Variants in CACNA1A observed in about 807,000 individuals in gnomAD.
The protein encoded by CACNA1A is voltage-dependent P/Q-type calcium channel subunit alpha-1A.
CACNA1A carries 57 observed loss-of-function variants against 262.4 expected under a neutral mutation model. The observed-to-expected ratio is 0.22, with a 90% CI of 0.18 to 0.27. The LOEUF is 0.27. CACNA1A is among the 10% of genes least tolerant of loss of function. CACNA1A has a pLI of 1.00. For missense variants in CACNA1A, 2,526 were observed against 3,562.8 expected, an observed-to-expected ratio of 0.71 and a Z score of 7.41; for synonymous variants, 1,431 against 1,419.3, an observed-to-expected ratio of 1.01 and a Z score of -0.18.
rs750093351 is a variant in CACNA1A, at chr19:13,214,458, C to G, written c.5839+43G>C. 3.2e-6 allele frequency: 5 copies of G among 1,571,808 alleles called. No individual in the cohort carries two copies. The East Asian group carries it at 1.1e-4, about 35-fold the overall frequency. On this transcript the variant is annotated intron_variant, in intron 39 of 46. Transcript: ENST00000360228. The surrounding 1 kb of genome is among the most constrained non-coding windows in gnomAD (Gnocchi z 4.1). Reference sequence around the variant, plus strand: ...GCCTCCCCTTTCCCTCCCCCTCCATCTGTCCTGGTGGATTGGATCCCAGGG... The same window carrying G: ...GCCTCCCCTTTCCCTCCCCCTCCATGTGTCCTGGTGGATTGGATCCCAGGG...
intron 38 of CACNA1A, among the ~76,000 whole-genome samples, chr19:13,218,053 G>A (rs1261828611): frequency 6.6e-6 from 1 of 151,144 alleles, no homozygotes; most frequent in Non-Finnish European, 1.5e-5. Context: ...TGGGATTATA[G>A]GCATGAGTCA....
At chr19:13,417,464 G>T (rs2082456570) in intron 3 of CACNA1A, among the ~76,000 whole-genome samples, 1 of 152,176 alleles carries the variant, frequency 6.6e-6, no homozygotes, top group Non-Finnish European at 1.5e-5. Context: ...CCATTCTGTA[G>T]GTAGTGAGGC....
At chr19:13,285,913 C>CTAGATGAACTTAAGACAT (rs1283485212) in intron 20 of CACNA1A, among the ~76,000 whole-genome samples, 60 of 151,006 alleles carry the variant, frequency 4.0e-4, no homozygotes, top group South Asian at 2.1e-4. Flanking sequence ...AGAACTGACA[C>CTAGATGAACTTAAGACAT]TAGATGAACT....
chr19:13,206,568 T>C lies in CACNA1A; in HGVS notation c.*745A>G, dbSNP rs1000550153. The C allele has an allele frequency of 6.5e-6, 1 of 153,914 alleles. No homozygotes were observed. The highest frequency in any genetic ancestry group is 2.4e-5 in the African/African-American group (1 of 41,474). 9.5% of individuals were successfully genotyped at this position (153,914 alleles called of 1,614,324 possible). On this transcript the variant is annotated 3_prime_UTR_variant, in exon 47 of 47. Transcript: ENST00000360228. ...AAAGAAGCAAAGGAATCGGTGGTGA[T>C]GGTGGGTTTTTCTTCTTCTTTTGTT...
At chr19:13,224,812 T>A (rs1353516468) in intron 37 of CACNA1A, 40 bp from the exon 38 acceptor site, 9 of 1,471,044 alleles carry the variant, frequency 6.1e-6, no homozygotes, top group Non-Finnish European at 8.4e-6. Context: ...TTCCCAGGCA[T>A]CCCTCCTGGG....
intron 36 of CACNA1A, among the ~76,000 whole-genome samples, chr19:13,228,274 T>C (rs538227751): frequency 4.0e-4 from 59 of 147,784 alleles, no homozygotes; most frequent in African/African-American, 1.4e-3. Context: ...TGAGGGGGCC[T>C]AGGTGGGGAG....
At chr19:13,388,242 CTTCTTTTTTT>C (rs1568597661) in intron 3 of CACNA1A, among the ~76,000 whole-genome samples, 1 of 128,382 alleles carries the variant, frequency 7.8e-6, no homozygotes, top group Non-Finnish European at 1.6e-5. Context: ...ATTTCTTCCT[CTTCTTTTTTT>C]TTTTTTTTTT....
At chr19:13,252,010 C>A (rs1044978984) in intron 30 of CACNA1A, among the ~76,000 whole-genome samples, 1 of 151,978 alleles carries the variant, frequency 6.6e-6, no homozygotes, top group Admixed American at 6.6e-5. Context: ...AAGTGATTTG[C>A]CTGCCTCTGC....
At chr19:13,440,356 T>C (rs1341901156) in intron 3 of CACNA1A, among the ~76,000 whole-genome samples, 1 of 152,150 alleles carries the variant, frequency 6.6e-6, no homozygotes, top group Non-Finnish European at 1.5e-5. Context: ...TGGGATCCCA[T>C]AGACCAGCAG....
chr19:13,214,452 C>T lies in CACNA1A; in HGVS notation c.5839+49G>A. Reference sequence around the variant, plus strand: ...CCCCAGGCCTCCCCTTTCCCTCCCCCTCCATCTGTCCTGGTGGATTGGATC... The same window carrying T: ...CCCCAGGCCTCCCCTTTCCCTCCCCTTCCATCTGTCCTGGTGGATTGGATC... On this transcript the variant is annotated intron_variant, in intron 39 of 46. Coordinates refer to ENST00000360228, the MANE Select transcript of CACNA1A (RefSeq NM_001127222.2). This position sits in a 1 kb window ranked among gnomAD's most constrained non-coding sequence, Gnocchi z 4.1. 3 of 1,561,548 alleles carry T rather than the reference C, an allele frequency of 1.9e-6. No individual in the cohort carries two copies. The highest frequency in any genetic ancestry group is 2.6e-6 in the Non-Finnish European group (3 of 1,135,780).
In CACNA1A at chr19:13,334,409, G is replaced by A; in HGVS notation, c.1167C>T (p.Leu389=). 1 of 1,607,324 alleles carries A rather than the reference G, an allele frequency of 6.2e-7. No homozygotes were observed. Among genetic ancestry groups the A allele is most frequent in the Non-Finnish European group, 8.5e-7 (1 of 1,173,762 alleles). Residue 389 remains leucine (L), a synonymous_variant, in exon 8 of 47, where the codon CTC becomes CTT. Transcript: ENST00000360228. ...LRRQQQIERE[L]NGYMEWISKA... ...TTGAGATCCACTCCATGTACCCATT[G>A]AGCTCACGTTCAATCTGTTGTTGCC...
intron 1 of CACNA1A, among the ~76,000 whole-genome samples, chr19:13,476,521 T>C (rs1326222950): frequency 1.3e-5 from 2 of 152,132 alleles, no homozygotes; most frequent in East Asian, 1.9e-4. Context: ...TTTCAACTTA[T>C]ATCCAGAATT....
At chr19:13,374,391 G>A (rs1043103500) in intron 3 of CACNA1A, among the ~76,000 whole-genome samples, 2 of 151,886 alleles carry the variant, frequency 1.3e-5, no homozygotes, top group Non-Finnish European at 2.9e-5. Flanking sequence ...GGGACTACAG[G>A]TGTACAACAA....
rs185369293 is a variant in CACNA1A, at chr19:13,499,861, C to T, written c.293+6071G>A. On this transcript the variant is annotated intron_variant, in intron 1 of 46. Coordinates refer to ENST00000360228, the MANE Select transcript of CACNA1A (RefSeq NM_001127222.2). ...GCATTCTCGGAAATGCGTTACTGCA[C>T]GGCTCTTAGGCTCTGATCATTTCTG... 3.3e-3 allele frequency among the ~76,000 whole-genome samples: 505 copies of T among 152,210 alleles called. 1 individual carries two copies. Among genetic ancestry groups the T allele is most frequent in the Middle Eastern group, 6.8e-3 (2 of 294 alleles).
At chr19:13,497,513 AAAAAAAAAATATATATATATATAT>A (rs1981743455) in intron 1 of CACNA1A, among the ~76,000 whole-genome samples, 24 of 45,744 alleles carry the variant, frequency 5.2e-4, no homozygotes, top group Non-Finnish European at 7.1e-4. Context: ...AAAAAAAAAA[AAAAAAAAAATATATATATATATAT>A]ATATATATAT....
At chr19:13,350,582 A>G (rs1205118542) in intron 6 of CACNA1A, among the ~76,000 whole-genome samples, 2 of 152,214 alleles carry the variant, frequency 1.3e-5, no homozygotes, top group African/African-American at 4.8e-5. Context: ...TAGTTCACAG[A>G]TATCATGCAA....
chr19:13,283,410 A>T lies in CACNA1A; in HGVS notation c.3693-14T>A, dbSNP rs1329565231. ...AGGCGGCGAAGGCTGTTGGAGACAG[A>T]TGGGCGTGCAGAGGTCCACTCAGAC... On this transcript the variant is annotated splice_polypyrimidine_tract_variant and intron_variant, in intron 21 of 46. Transcript: ENST00000360228. 6.2e-7 allele frequency: 1 copy of T among 1,613,754 alleles called. No individual in the cohort carries two copies. Among genetic ancestry groups the T allele is most frequent in the Non-Finnish European group, 8.5e-7 (1 of 1,179,752 alleles).
intron 1 of CACNA1A, among the ~76,000 whole-genome samples, chr19:13,466,017 G>A (rs1484413384): frequency 6.6e-6 from 1 of 152,084 alleles, no homozygotes; most frequent in Non-Finnish European, 1.5e-5. Flanking sequence ...GGGGAGGGGA[G>A]AAGGAGAGAG....
At chr19:13,218,440 C>A (rs1309529310) in intron 38 of CACNA1A, among the ~76,000 whole-genome samples, 1 of 152,198 alleles carries the variant, frequency 6.6e-6, no homozygotes, top group African/African-American at 2.4e-5. Context: ...TGGCAGTACA[C>A]GGTGCGTGTT....
Sources: gnomAD v4.1 joint callset for allele counts (sites outside exome capture counted in the v4.1 genomes callset) on GRCh38, gnomAD v4.1.1 for gene constraint, Gnocchi (gnomAD v3.1) non-coding constraint, MANE v1.5 for transcripts, NCBI Gene and HGNC (gene_info 2026-07-23, HGNC 2026-07-21) for gene names.